Variants in USP31 observed in about 807,000 individuals in gnomAD.
USP31 encodes the protein ubiquitin carboxyl-terminal hydrolase 31.
A neutral mutation model predicts 119.4 loss-of-function variants in USP31; 44 were observed. The observed-to-expected ratio is 0.37, with a 90% CI of 0.29 to 0.47. The LOEUF (loss-of-function observed/expected upper bound fraction) is 0.47, where lower values mean the gene tolerates loss of function less well. Ranked by LOEUF, USP31 falls within the 20% of genes least tolerant of loss-of-function variation. USP31 has a pLI of 0.99. For missense variants in USP31, 1,643 were observed against 1,730.2 expected (o/e 0.95, Z 0.89); for synonymous variants, 749 against 705.6 (o/e 1.06, Z -0.97).
At chr16:23,085,702 T>C (rs773906594) in intron 9 of USP31, 40 bp from the exon 10 acceptor site, 1 of 1,490,838 alleles carries the variant, frequency 6.7e-7, no homozygotes, top group East Asian at 2.3e-5. Flanking sequence ...CCACATATTA[T>C]TTTCTAAACA....
At chr16:23,086,036 C>T (rs766623195) in intron 9 of USP31, among the ~76,000 whole-genome samples, 10 of 152,116 alleles carry the variant, frequency 6.6e-5, no homozygotes, top group Non-Finnish European at 1.5e-4. Flanking sequence ...GGAACAAAGT[C>T]GCCCCTTGCA....
chr16:23,097,845 G>A (rs1398616532), intron 6 of USP31, among the ~76,000 whole-genome samples: 1 of 151,814 alleles, frequency 6.6e-6, no homozygotes. Context: ...AGCTATTTAT[G>A]ACAAACTCAC....
At chr16:23,087,862 C>T in intron 7 of USP31, 27 bp from the exon 8 acceptor site, 1 of 1,576,602 alleles carries the variant, frequency 6.3e-7, no homozygotes, top group South Asian at 1.1e-5. Flanking sequence ...ATGTAATCAC[C>T]TTTAAAGTAC....
intron 1 of USP31, among the ~76,000 whole-genome samples, chr16:23,120,201 G>A (rs11643864): frequency 0.036 from 5,550 of 152,062 alleles, 137 homozygotes; most frequent in Middle Eastern, 0.068. Flanking sequence ...AAAAGCAAAC[G>A]TCCAGTCCCA....
chr16:23,131,952 C>T (rs79887012), intron 1 of USP31, among the ~76,000 whole-genome samples: 1,793 of 152,288 alleles, frequency 0.012, 23 homozygotes, highest in Non-Finnish European at 0.015. Context: ...CATTTCCTGA[C>T]CAGTCCTATG....
chr16:23,137,195 A>C (rs1429496322), intron 1 of USP31, among the ~76,000 whole-genome samples: 1 of 152,222 alleles, frequency 6.6e-6, no homozygotes. Context: ...CCTGAGTGAC[A>C]GAGCAAGACC....
intron 1 of USP31, among the ~76,000 whole-genome samples, chr16:23,139,529 T>G (rs1385027083): frequency 6.6e-6 from 1 of 152,216 alleles, no homozygotes; most frequent in East Asian, 1.9e-4. Flanking sequence ...CCTTCCTGGT[T>G]TTCCTGCTAC....
rs1901046227 is a variant in USP31 at position 23,085,004 on chromosome 16, A to G, written c.1701-15T>C. 1.2e-6 allele frequency: 2 copies of G among 1,612,422 alleles called. No homozygotes were observed. The highest frequency in any genetic ancestry group is 8.5e-7 in the Non-Finnish European group (1 of 1,179,132). Reference sequence around the variant, plus strand: ...TTACAAATAAGCTGCAATTAGGGGGAAAAGCATCTATCAGGGAATGTCTTG... The same window carrying G: ...TTACAAATAAGCTGCAATTAGGGGGGAAAGCATCTATCAGGGAATGTCTTG... On this transcript the variant is annotated splice_polypyrimidine_tract_variant and intron_variant, in intron 10 of 15. Transcript: ENST00000219689.
intron 12 of USP31, among the ~76,000 whole-genome samples, chr16:23,080,631 A>G (rs1900779023): frequency 6.6e-6 from 1 of 152,204 alleles, no homozygotes; most frequent in African/African-American, 2.4e-5. Context: ...TCACAAGGCA[A>G]CACTGTCTTA....
intron 7 of USP31, among the ~76,000 whole-genome samples, chr16:23,088,437 T>C (rs1901210091): frequency 6.6e-6 from 1 of 152,162 alleles, no homozygotes; most frequent in Admixed American, 6.5e-5. Context: ...CAGTCTGGAA[T>C]ATGATCTGAG....
At chr16:23,117,107 G>C (rs1468387771) in intron 1 of USP31, among the ~76,000 whole-genome samples, 1 of 152,214 alleles carries the variant, frequency 6.6e-6, no homozygotes, top group African/African-American at 2.4e-5. Context: ...TAAGTACTCA[G>C]AAAGTTTCAA....
intron 5 of USP31, among the ~76,000 whole-genome samples, chr16:23,103,398 T>C (rs1039549995): frequency 5.3e-5 from 8 of 152,174 alleles, no homozygotes; most frequent in African/African-American, 2.4e-5. Flanking sequence ...ATAAACTATA[T>C]ATATTTGCAC....
chr16:23,063,918 G>C lies in USP31; in HGVS notation c.*4128C>G, dbSNP rs1269877421. 2.0e-5 allele frequency: 3 copies of C among 152,210 alleles called. No individual in the cohort carries two copies. Among genetic ancestry groups the C allele is most frequent in the African/African-American group, 7.2e-5 (3 of 41,430 alleles). 9.4% of individuals were successfully genotyped at this position (152,210 alleles called of 1,614,324 possible). A position where few individuals can be genotyped will look rare whatever the true frequency, so the allele number is the denominator to read the frequency against. On this transcript the variant is annotated 3_prime_UTR_variant, in exon 16 of 16. Transcript: ENST00000219689. ...GAAAGTTGATCAAAAGGCAGTGTGAGAGTGTTCATTTAAATAAAACCACTG... is the reference window on the plus strand; with the variant it reads ...GAAAGTTGATCAAAAGGCAGTGTGACAGTGTTCATTTAAATAAAACCACTG...
intron 13 of USP31, 38 bp from the exon 14 acceptor site, chr16:23,073,918 T>G: frequency 6.2e-7 from 1 of 1,611,590 alleles, no homozygotes; most frequent in Non-Finnish European, 8.5e-7. Flanking sequence ...CAGGGGAGGC[T>G]GCACCAGCCA....
chr16:23,112,434 G>A (rs1341143626), intron 1 of USP31, among the ~76,000 whole-genome samples: 1 of 151,926 alleles, frequency 6.6e-6, no homozygotes, highest in Non-Finnish European at 1.5e-5. Context: ...AATTAGTCAG[G>A]CGTGGTGACA....
intron 1 of USP31, among the ~76,000 whole-genome samples, chr16:23,137,618 CATATAT>C (rs149852884): frequency 6.8e-6 from 1 of 147,890 alleles, no homozygotes; most frequent in African/African-American, 2.5e-5. Flanking sequence ...ATGTGTTATA[CATATAT>C]ATATATACAT....
chr16:23,121,050 G>C (rs1435664870), intron 1 of USP31, among the ~76,000 whole-genome samples: 2 of 152,128 alleles, frequency 1.3e-5, no homozygotes, highest in African/African-American at 4.8e-5. Context: ...AAATATTCTG[G>C]AAATAACCTT....
chr16:23,107,193 A>G (rs919492616), intron 2 of USP31, among the ~76,000 whole-genome samples: 1 of 151,992 alleles, frequency 6.6e-6, no homozygotes, highest in African/African-American at 2.4e-5. Flanking sequence ...GTTGGTGCCT[A>G]ATCACACTCT....
At chr16:23,140,439 G>T (rs1419031968) in intron 1 of USP31, among the ~76,000 whole-genome samples, 1 of 152,084 alleles carries the variant, frequency 6.6e-6, no homozygotes, top group East Asian at 1.9e-4. Context: ...CAAAGAATTA[G>T]CCAGCCCAAA....
Sources: gnomAD v4.1 joint callset for allele counts (sites outside exome capture counted in the v4.1 genomes callset) on GRCh38, gnomAD v4.1.1 for gene constraint, MANE v1.5 for transcripts, NCBI Gene and HGNC (gene_info 2026-07-23, HGNC 2026-07-21) for gene names.